The following MAGI2 variants were observed in gnomAD, a reference collection of about 807,000 sequenced individuals.
MAGI2 encodes membrane associated guanylate kinase, WW and PDZ domain containing 2.
In MAGI2, 35 loss-of-function variants were observed where a neutral mutation model predicts 133.3. The ratio of observed to expected loss-of-function variants is 0.26; its 90% confidence interval spans 0.20 to 0.35. The LOEUF is 0.35. Ranked by LOEUF, MAGI2 falls within the 10% of genes least tolerant of loss-of-function variation. MAGI2 has a pLI of 1.00. For synonymous variants in MAGI2, 729 were observed against 710.6 expected, an observed-to-expected ratio of 1.03 and a Z score of -0.41; for missense variants, 1,636 against 1,863.4, an observed-to-expected ratio of 0.88 and a Z score of 2.25.
chr7:78,963,691 C>A (rs1234421650), intron 2 of MAGI2, among the ~76,000 whole-genome samples: 1 of 151,656 alleles, frequency 6.6e-6, no homozygotes, highest in African/African-American at 2.4e-5. Flanking sequence ...TGGCTTAATG[C>A]AAGACGCTCC....
intron 1 of MAGI2, among the ~76,000 whole-genome samples, chr7:79,061,509 A>G (rs1466181988): frequency 6.6e-6 from 1 of 152,078 alleles, no homozygotes; most frequent in Non-Finnish European, 1.5e-5. Context: ...AGAAGGTTGT[A>G]GTCTTAAATA....
intron 4 of MAGI2, among the ~76,000 whole-genome samples, chr7:78,503,321 G>T (rs1324527555): frequency 1.3e-5 from 2 of 152,038 alleles, no homozygotes; most frequent in African/African-American, 2.4e-5. Context: ...TCAGAGCAGA[G>T]ACCTCAAGAT....
At chr7:78,086,906 G>C (rs1244655134) in intron 20 of MAGI2, among the ~76,000 whole-genome samples, 1 of 152,132 alleles carries the variant, frequency 6.6e-6, no homozygotes, top group Non-Finnish European at 1.5e-5. Flanking sequence ...AAAGTGCTAC[G>C]ATTACAGGCG....
chr7:79,397,751 C>G (rs933635431), intron 1 of MAGI2, among the ~76,000 whole-genome samples: 4 of 152,114 alleles, frequency 2.6e-5, no homozygotes, highest in African/African-American at 9.6e-5. Context: ...ACATCATTTG[C>G]TCATTCTGCC....
chr7:78,053,359 G>C (rs1485896162), intron 21 of MAGI2, among the ~76,000 whole-genome samples: 1 of 152,206 alleles, frequency 6.6e-6, no homozygotes, highest in Non-Finnish European at 1.5e-5. Context: ...GCTGTCCCAG[G>C]ACTGTGTTGT....
chr7:78,281,666 A>G (rs1422453958), intron 9 of MAGI2, among the ~76,000 whole-genome samples: 2 of 151,276 alleles, frequency 1.3e-5, no homozygotes, highest in Non-Finnish European at 3.0e-5. Context: ...AGTCACAAGT[A>G]GAGTCTGGCA....
intron 9 of MAGI2, among the ~76,000 whole-genome samples, chr7:78,299,590 C>G (rs1797649195): frequency 6.6e-6 from 1 of 151,956 alleles, no homozygotes; most frequent in South Asian, 2.1e-4. Flanking sequence ...TTTGGGGTTG[C>G]CACTATTCTG....
chr7:78,986,899 C>A (rs989232476), intron 2 of MAGI2, among the ~76,000 whole-genome samples: 14 of 151,990 alleles, frequency 9.2e-5, no homozygotes, highest in African/African-American at 3.4e-4. Context: ...TTCCATGGTA[C>A]AAAGACAATC....
intron 1 of MAGI2, among the ~76,000 whole-genome samples, chr7:79,291,654 T>G (rs561535319): frequency 7.2e-5 from 11 of 152,324 alleles, no homozygotes; most frequent in African/African-American, 2.4e-4. Context: ...TTTGTACTTC[T>G]ATAATGACTA....
intron 7 of MAGI2, among the ~76,000 whole-genome samples, chr7:78,368,313 G>A (rs1793589069): frequency 6.6e-6 from 1 of 152,180 alleles, no homozygotes; most frequent in South Asian, 2.1e-4. Flanking sequence ...CTATTAAACA[G>A]AATGTGGTTG....
chr7:78,320,004 C>A (rs1172202610), intron 9 of MAGI2, among the ~76,000 whole-genome samples: 1 of 152,208 alleles, frequency 6.6e-6, no homozygotes, highest in Non-Finnish European at 1.5e-5. Flanking sequence ...CACCTCTACA[C>A]AAATAAACTA....
intron 1 of MAGI2, among the ~76,000 whole-genome samples, chr7:79,195,323 C>A (rs749051354): frequency 6.6e-6 from 1 of 152,102 alleles, no homozygotes; most frequent in Admixed American, 6.5e-5. Flanking sequence ...ATCAACTGAG[C>A]TTTTAATGAC....
chr7:78,985,941 AT>A (rs1238974805), intron 2 of MAGI2, among the ~76,000 whole-genome samples: 1 of 152,088 alleles, frequency 6.6e-6, no homozygotes, highest in Non-Finnish European at 1.5e-5. Context: ...CCTATAGAAG[AT>A]TCCAGGTAAT....
In MAGI2 at chr7:78,826,135, G is replaced by A. The variant is rs139601875; in HGVS notation, c.418+180955C>T. ...TGGGAGGCCGAGGCGGGCAGATCAC[G>A]AGGTCAGGAGGTCGAGACCATCCTG... On this transcript the variant is annotated intron_variant, in intron 2 of 21. Coordinates refer to ENST00000354212, the MANE Select transcript of MAGI2 (RefSeq NM_012301.4). Among the ~76,000 whole-genome samples, 11 of 152,002 alleles carry A rather than the reference G, an allele frequency of 7.2e-5. No homozygotes were observed. In the East Asian group the frequency reaches 2.1e-3, roughly 29 times the overall value.
chr7:79,062,754 C>G (rs1478106299), intron 1 of MAGI2, among the ~76,000 whole-genome samples: 1 of 152,100 alleles, frequency 6.6e-6, no homozygotes, highest in Non-Finnish European at 1.5e-5. Flanking sequence ...TCCCTGTCAT[C>G]GATGTTTCCT....
intron 2 of MAGI2, among the ~76,000 whole-genome samples, chr7:78,928,162 A>G (rs912446768): frequency 1.3e-5 from 2 of 152,010 alleles, no homozygotes; most frequent in Non-Finnish European, 2.9e-5. Flanking sequence ...TAAACATAAC[A>G]AATAGTTCCT....
chr7:78,793,425 C>T (rs1391875518), intron 2 of MAGI2, among the ~76,000 whole-genome samples: 2 of 152,114 alleles, frequency 1.3e-5, no homozygotes, highest in Non-Finnish European at 2.9e-5. Context: ...TGACAATACA[C>T]CAGACAGCCT....
Position 78,227,834 on chromosome 7 carries a change from C to G in MAGI2, c.2048-26641G>C, listed in dbSNP as rs373007250. 2.0e-3 allele frequency among the ~76,000 whole-genome samples: 240 copies of G among 118,104 alleles called. 1 individual carries two copies. Among genetic ancestry groups the G allele is most frequent in the African/African-American group, 5.7e-3 (208 of 36,504 alleles). 77.5% of individuals were successfully genotyped at this position (118,104 alleles called of 152,430 possible). A position where few individuals can be genotyped will look rare whatever the true frequency, so the allele number is the denominator to read the frequency against. On this transcript the variant is annotated intron_variant, in intron 10 of 21. Coordinates refer to ENST00000354212, the MANE Select transcript of MAGI2 (RefSeq NM_012301.4). ...GAAGTTGTGTCATAGAAATACCATA[C>G]TGCCTTCTTACTCAGTTGTGTGTGT...
intron 3 of MAGI2, among the ~76,000 whole-genome samples, chr7:78,577,324 C>T (rs574914228): frequency 3.9e-5 from 6 of 152,102 alleles, no homozygotes; most frequent in Middle Eastern, 3.4e-3. Flanking sequence ...AAAACAACAA[C>T]ATATAAGGTA....
Sources: allele counts gnomAD v4.1 joint callset (sites outside exome capture counted in the v4.1 genomes callset), GRCh38; gene constraint gnomAD v4.1.1; transcripts MANE v1.5; gene names NCBI Gene and HGNC (gene_info 2026-07-23, HGNC 2026-07-21).